Variants in HSPBAP1 observed in about 807,000 individuals in gnomAD.
HSPBAP1 encodes the protein HSPB1 associated protein 1.
Under a neutral mutation model 45.2 loss-of-function variants are expected in HSPBAP1, and 27 were observed. That is an observed-to-expected ratio of 0.60 (90% CI 0.44 to 0.82). The LOEUF is 0.82. Ranked by LOEUF, HSPBAP1 falls within the 40% of genes least tolerant of loss-of-function variation. HSPBAP1 has a pLI of 0.00. For missense variants in HSPBAP1, 510 were observed against 590.9 expected (o/e 0.86, Z 1.42); for synonymous variants, 204 against 202.7 (o/e 1.01, Z -0.06).
chr3:122,758,803 A>C (rs758287845), intron 4 of HSPBAP1: 2 of 453,808 alleles, frequency 4.4e-6, no homozygotes, highest in South Asian at 1.6e-5. Flanking sequence ...AGGCTGCGGC[A>C]GGAGGATGGC....
chr3:122,752,489 TA>T (rs1305143241), intron 6 of HSPBAP1, 101 bp downstream of exon 6: 70 of 652,126 alleles, frequency 1.1e-4, no homozygotes, highest in Middle Eastern at 3.2e-4. Context: ...AAGCATTGGT[TA>T]AAAAAAATTA....
intron 6 of HSPBAP1, among the ~76,000 whole-genome samples, chr3:122,752,079 G>A (rs1387700458): frequency 6.6e-6 from 1 of 152,130 alleles, no homozygotes; most frequent in East Asian, 1.9e-4. Flanking sequence ...CAGGCAACCA[G>A]GATTAAGCTT....
At chr3:122,741,240 A>G (rs1195061865) in intron 6 of HSPBAP1, 127 bp from the exon 7 acceptor site, 1 of 727,432 alleles carries the variant, frequency 1.4e-6, no homozygotes, top group Non-Finnish European at 2.3e-6. Context: ...AGGAATGAAT[A>G]TGCTATTGGT....
chr3:122,759,554 A>G (rs1934493722), intron 3 of HSPBAP1, among the ~76,000 whole-genome samples, 194 bp from the exon 4 acceptor site: 1 of 152,216 alleles, frequency 6.6e-6, no homozygotes, highest in African/African-American at 2.4e-5. Context: ...TTGAATAACC[A>G]CACTAATAGT....
chr3:122,778,821 C>T (rs1216999751), intron 1 of HSPBAP1, among the ~76,000 whole-genome samples: 1 of 152,118 alleles, frequency 6.6e-6, no homozygotes, highest in Non-Finnish European at 1.5e-5. Flanking sequence ...TGAGCCACTG[C>T]ACCCGGCCCA....
intron 2 of HSPBAP1, among the ~76,000 whole-genome samples, chr3:122,769,666 C>T (rs867140344): frequency 6.6e-6 from 1 of 152,072 alleles, no homozygotes; most frequent in African/African-American, 2.4e-5. Flanking sequence ...AATAAATGTT[C>T]GCCACTATTT....
chr3:122,753,165 G>A (rs1029830500), intron 5 of HSPBAP1: 21 of 249,788 alleles, frequency 8.4e-5, no homozygotes, highest in South Asian at 1.6e-4. Context: ...GGTGAAACAG[G>A]CATGAACTAG....
In HSPBAP1 at chr3:122,766,390, T is replaced by G. The variant is rs972951921; in HGVS notation, c.432+2311A>C. Among the ~76,000 whole-genome samples, 12 of 152,154 alleles carry G rather than the reference T, an allele frequency of 7.9e-5. No individual in the cohort carries two copies. The East Asian group carries it at 2.3e-3, about 29-fold the overall frequency. ...AAGAAGACTTGGTGCCCAGAAAATT[T>G]TGAGACAAAAGATGATATAATCTTA... On this transcript the variant is annotated intron_variant, in intron 3 of 7. Coordinates refer to ENST00000306103, the MANE Select transcript of HSPBAP1 (RefSeq NM_024610.6).
chr3:122,774,956 T>G (rs905786741), intron 2 of HSPBAP1, among the ~76,000 whole-genome samples: 1 of 152,184 alleles, frequency 6.6e-6, no homozygotes, highest in Non-Finnish European at 1.5e-5. Flanking sequence ...ACTGACAAAA[T>G]CTGTTTGCAA....
intron 3 of HSPBAP1, among the ~76,000 whole-genome samples, chr3:122,763,916 C>A (rs1047779267): frequency 9.9e-5 from 15 of 152,250 alleles, no homozygotes; most frequent in African/African-American, 3.4e-4. Context: ...AATCTCCCCA[C>A]TGACCTATGT....
intron 5 of HSPBAP1, chr3:122,753,754 T>G (rs368788767): frequency 1.0e-6 from 1 of 985,244 alleles, no homozygotes; most frequent in African/African-American, 1.7e-5. Context: ...GGCCACTTGA[T>G]AGTCATTAGT....
intron 1 of HSPBAP1, among the ~76,000 whole-genome samples, chr3:122,792,650 GGATCACAAGGTCAAGAGAGC>G (rs1935868122): frequency 6.6e-6 from 1 of 151,554 alleles, no homozygotes; most frequent in African/African-American, 2.4e-5. Flanking sequence ...CCACCTCAGC[GGATCACAAGGTCAAGAGAGC>G]GAGACCATCC....
At chr3:122,769,972 C>T (rs1379758855) in intron 2 of HSPBAP1, among the ~76,000 whole-genome samples, 1 of 152,230 alleles carries the variant, frequency 6.6e-6, no homozygotes, top group Non-Finnish European at 1.5e-5. Flanking sequence ...GGCCACCGTG[C>T]CCAGTCAATG....
chr3:122,769,736 G>A (rs1934919459), intron 2 of HSPBAP1, among the ~76,000 whole-genome samples: 1 of 152,224 alleles, frequency 6.6e-6, no homozygotes, highest in African/African-American at 2.4e-5. Context: ...CTGGAGTGCA[G>A]TGGTGCAATC....
At chr3:122,783,502 GA>G (rs1219588478) in intron 1 of HSPBAP1, among the ~76,000 whole-genome samples, 1 of 152,202 alleles carries the variant, frequency 6.6e-6, no homozygotes, top group Non-Finnish European at 1.5e-5. Context: ...GTCTCTAGCT[GA>G]GGCTGACGTA....
At position 122,755,386 on chromosome 3, in the gene HSPBAP1, A is replaced by G. The variant is rs143671079; in HGVS notation, c.615T>C (p.Tyr205=). ...ATTCTTCATAAGGGATTCTAGTTGG[A>G]TAAAGGAAAGGAGTATCTTCAGGAG... ...LFPPEDTPFL[Y]PTRIPYEESS... The change falls in exon 5 of 8, where the codon TAT becomes TAC. Residue 205 remains tyrosine (Y), a synonymous_variant. Coordinates refer to ENST00000306103, the MANE Select transcript of HSPBAP1 (RefSeq NM_024610.6). 1.3e-6 allele frequency: 2 copies of G among 1,588,486 alleles called. No individual in the cohort carries two copies. Among genetic ancestry groups the G allele is most frequent in the African/African-American group, 2.7e-5 (2 of 73,112 alleles).
At chr3:122,791,940 A>T (rs2107548010) in intron 1 of HSPBAP1, among the ~76,000 whole-genome samples, 1 of 152,362 alleles carries the variant, frequency 6.6e-6, no homozygotes, top group East Asian at 1.9e-4. Context: ...TAGAAAACAG[A>T]GACACAAGTC....
intron 1 of HSPBAP1, among the ~76,000 whole-genome samples, chr3:122,784,838 G>A (rs911904840): frequency 4.6e-5 from 7 of 152,156 alleles, no homozygotes; most frequent in African/African-American, 1.7e-4. Flanking sequence ...TTGAACACAG[G>A]CATCATAACA....
rs1933608367 is a variant in HSPBAP1 at position 122,740,239 on chromosome 3, T to C, written c.*106A>G. The C allele has an allele frequency of 3.0e-6, 2 of 670,162 alleles. No homozygotes were observed. The highest frequency in any genetic ancestry group is 4.6e-6 in the Non-Finnish European group (2 of 436,544). 41.5% of individuals were successfully genotyped at this position (670,162 alleles called of 1,614,324 possible). On this transcript the variant is annotated 3_prime_UTR_variant, in exon 8 of 8. Transcript: ENST00000306103. Reference sequence around the variant, plus strand: ...GTAATTCGGTAAGGATAAATACATTTACAAATGTGCAAACTGACCTTTTGC... The same window carrying C: ...GTAATTCGGTAAGGATAAATACATTCACAAATGTGCAAACTGACCTTTTGC...
Sources: allele counts gnomAD v4.1 joint callset (sites outside exome capture counted in the v4.1 genomes callset), GRCh38; gene constraint gnomAD v4.1.1; transcripts MANE v1.5; gene names NCBI Gene and HGNC (gene_info 2026-07-23, HGNC 2026-07-21).